Variants in CA10 observed in about 807,000 individuals in gnomAD.
CA10 encodes carbonic anhydrase-related protein 10.
CA10 carries 14 observed loss-of-function variants against 44.2 expected under a neutral mutation model. The ratio of observed to expected loss-of-function variants is 0.32; its 90% CI spans 0.21 to 0.50. The LOEUF (loss-of-function observed/expected upper bound fraction) is 0.50, where lower values mean the gene tolerates loss of function less well. CA10 is among the 20% of genes least tolerant of loss of function. The pLI is 0.99. For synonymous variants in CA10, 159 were observed against 141.6 expected, an observed-to-expected ratio of 1.12 and a Z score of -0.87; for missense variants, 350 against 409.7, an observed-to-expected ratio of 0.85 and a Z score of 1.26.
intron 4 of CA10, among the ~76,000 whole-genome samples, chr17:51,709,587 T>TA (rs1260050548): frequency 2.0e-5 from 3 of 152,308 alleles, no homozygotes; most frequent in East Asian, 3.9e-4. Context: ...AGGTAAGGCT[T>TA]AAAATTATTC....
chr17:51,747,776 G>A lies in CA10; in HGVS notation c.322C>T (p.Arg108Cys), dbSNP rs772993232. Reference protein sequence around the residue: ...MYNTGRHVSLRLDKEHLVNIS... With the variant: ...MYNTGRHVSLCLDKEHLVNIS... ...TTGACCAAGTGCTCCTTGTCCAGGC[G>A]AAGGGATACGTGTCTTCCAGTGTTG... Residue 108 changes from arginine (R) to cysteine (C), a missense_variant, in exon 4 of 9, where the codon CGC becomes TGC. Transcript: ENST00000451037. 1.4e-5 allele frequency: 23 copies of A among 1,613,912 alleles called. No homozygotes were observed. Among genetic ancestry groups the A allele is most frequent in the East Asian group, 6.7e-5 (3 of 44,890 alleles).
At chr17:51,681,448 C>T (rs1351959606) in intron 4 of CA10, among the ~76,000 whole-genome samples, 1 of 152,178 alleles carries the variant, frequency 6.6e-6, no homozygotes, top group Non-Finnish European at 1.5e-5. Flanking sequence ...GATGGCTTCT[C>T]AATCTTGGCA....
At chr17:52,138,841 T>A (rs1054764722) in intron 1 of CA10, among the ~76,000 whole-genome samples, 6 of 152,154 alleles carry the variant, frequency 3.9e-5, no homozygotes, top group South Asian at 2.1e-4. Context: ...TAATAAAAAA[T>A]TTTTTCTGCT....
intron 2 of CA10, among the ~76,000 whole-genome samples, chr17:51,947,430 T>C (rs959615528): frequency 1.3e-4 from 20 of 151,584 alleles, no homozygotes; most frequent in Admixed American, 1.1e-3. Context: ...TGCCGGTCTC[T>C]TTGCAGACTA....
chr17:51,679,352 C>T (rs1243015862), intron 4 of CA10, among the ~76,000 whole-genome samples: 4 of 150,796 alleles, frequency 2.7e-5, no homozygotes, highest in East Asian at 2.0e-4. Flanking sequence ...CTCCGCCTCC[C>T]GGGTTCACAC....
intron 2 of CA10, among the ~76,000 whole-genome samples, chr17:51,957,092 C>A (rs747484114): frequency 6.1e-4 from 93 of 151,918 alleles, no homozygotes; most frequent in Non-Finnish European, 9.9e-4. Context: ...ATTGTTTTTC[C>A]TCAGTTTTAA....
chr17:51,904,508 GA>G (rs1361683896), intron 3 of CA10, among the ~76,000 whole-genome samples: 4 of 152,036 alleles, frequency 2.6e-5, no homozygotes, highest in Non-Finnish European at 5.9e-5. Context: ...TATCCATGAA[GA>G]AGGCCCAGAG....
chr17:52,087,185 G>A (rs1427176304), intron 1 of CA10, among the ~76,000 whole-genome samples: 1 of 152,128 alleles, frequency 6.6e-6, no homozygotes, highest in Non-Finnish European at 1.5e-5. Flanking sequence ...TTGTTGCCCA[G>A]GCTGGAGGGC....
In CA10 at chr17:52,087,301, C is replaced by T. The variant is rs555808799; in HGVS notation, c.62-14908G>A. ...GATTATAGGCGTGTGCCACCACACC[C>T]GGCTAATTTTTCATATTTTTAGTAG... On this transcript the variant is annotated intron_variant, in intron 1 of 8. Transcript: ENST00000451037. Among the ~76,000 whole-genome samples, 14 of 152,240 alleles carry T rather than the reference C, an allele frequency of 9.2e-5. No homozygotes were observed. In the East Asian group the frequency reaches 1.9e-3, roughly 21 times the overall value.
intron 2 of CA10, among the ~76,000 whole-genome samples, chr17:51,980,119 A>G (rs1037546793): frequency 6.6e-6 from 1 of 152,126 alleles, no homozygotes; most frequent in Non-Finnish European, 1.5e-5. Context: ...GCTTTCCACA[A>G]TGGTTGAACT....
At chr17:51,820,414 C>CA (rs919973833) in intron 3 of CA10, among the ~76,000 whole-genome samples, 2 of 99,120 alleles carry the variant, frequency 2.0e-5, no homozygotes, top group Admixed American at 9.4e-5. Context: ...TACCCCCCCC[C>CA]CCCCGCCCGC....
At chr17:52,061,876 G>A (rs971572075) in intron 2 of CA10, among the ~76,000 whole-genome samples, 1 of 152,058 alleles carries the variant, frequency 6.6e-6, no homozygotes, top group Non-Finnish European at 1.5e-5. Flanking sequence ...GGAGCTATAG[G>A]AAACTAATAC....
chr17:52,007,405 A>T (rs930650769), intron 2 of CA10, among the ~76,000 whole-genome samples: 1 of 151,604 alleles, frequency 6.6e-6, no homozygotes, highest in African/African-American at 2.4e-5. Context: ...GATTAAGAGT[A>T]TTTGATCCTT....
intron 3 of CA10, among the ~76,000 whole-genome samples, chr17:51,878,465 T>C (rs983007911): frequency 5.3e-5 from 8 of 152,048 alleles, no homozygotes; most frequent in African/African-American, 1.9e-4. Context: ...CCTGGCAGAA[T>C]CACAATCTGT....
At position 52,054,479 on chromosome 17, in the gene CA10, T is replaced by C. The variant is rs559401173; in HGVS notation, c.136+17840A>G. On this transcript the variant is annotated intron_variant, in intron 2 of 8. Transcript: ENST00000451037. ...TCGCCCTGGTCCTGTGGTCCTGTGA[T>C]CTCACCCTGCCTCCATTTACCTTGT... Among the ~76,000 whole-genome samples, 4 of 152,274 alleles carry C rather than the reference T, an allele frequency of 2.6e-5. No individual in the cohort carries two copies. The South Asian group carries it at 8.3e-4, about 32-fold the overall frequency.
At chr17:52,004,534 T>C (rs1985534320) in intron 2 of CA10, among the ~76,000 whole-genome samples, 1 of 151,914 alleles carries the variant, frequency 6.6e-6, no homozygotes, top group Admixed American at 6.6e-5. Context: ...AAGTTCACAG[T>C]AGAGATTTTT....
At chr17:52,046,320 G>A (rs1197476310) in intron 2 of CA10, among the ~76,000 whole-genome samples, 1 of 141,286 alleles carries the variant, frequency 7.1e-6, no homozygotes, top group African/African-American at 2.6e-5. Flanking sequence ...AAAAAAAAAA[G>A]AATTTAATAG....
chr17:51,961,196 C>CACAA (rs1427430644), intron 2 of CA10, among the ~76,000 whole-genome samples: 1 of 148,188 alleles, frequency 6.7e-6, no homozygotes, highest in East Asian at 2.0e-4. Context: ...CAAACACACA[C>CACAA]ACACACACAC....
chr17:52,138,865 A>C (rs1989416623), intron 1 of CA10, among the ~76,000 whole-genome samples: 1 of 152,178 alleles, frequency 6.6e-6, no homozygotes, highest in Non-Finnish European at 1.5e-5. Flanking sequence ...AGTAGTCCTG[A>C]AGGTTTCATT....
Sources: gnomAD v4.1 joint callset for allele counts (sites outside exome capture counted in the v4.1 genomes callset) on GRCh38, gnomAD v4.1.1 for gene constraint, MANE v1.5 for transcripts, NCBI Gene and HGNC (gene_info 2026-07-23, HGNC 2026-07-21) for gene names.